LRRC4C: variants seen among roughly 807,000 people sequenced by gnomAD.
LRRC4C encodes the protein leucine rich repeat containing 4C.
A neutral mutation model predicts 33.6 loss-of-function variants in LRRC4C; 5 were observed. That is an observed-to-expected ratio of 0.15 (90% CI 0.08 to 0.31). LRRC4C has a LOEUF of 0.31. Among genes scored for constraint, LRRC4C ranks in the 10% least tolerant of loss-of-function variants. The pLI, the probability that LRRC4C is intolerant of heterozygous loss-of-function variation, is 1.00. For synonymous variants in LRRC4C, 329 were observed against 302.0 expected (o/e 1.09, Z -0.93); for missense variants, 560 against 796.7 (o/e 0.70, Z 3.58).
chr11:40,739,519 A>G (rs1041223453), intron 2 of LRRC4C, among the ~76,000 whole-genome samples: 14 of 152,140 alleles, frequency 9.2e-5, no homozygotes, highest in African/African-American at 3.1e-4. Context: ...ATACAATTAT[A>G]TATTTGTGTA....
At chr11:41,251,255 G>A (rs1278293866) in intron 1 of LRRC4C, among the ~76,000 whole-genome samples, 1 of 152,168 alleles carries the variant, frequency 6.6e-6, no homozygotes, top group Non-Finnish European at 1.5e-5. Flanking sequence ...ATGAGATGCA[G>A]CAAATAAGGA....
At chr11:40,679,615 G>T (rs1944576224) in intron 2 of LRRC4C, among the ~76,000 whole-genome samples, 1 of 152,160 alleles carries the variant, frequency 6.6e-6, no homozygotes, top group Non-Finnish European at 1.5e-5. Flanking sequence ...GGTACAGCTT[G>T]GGCTGTTGCT....
intron 5 of LRRC4C, among the ~76,000 whole-genome samples, chr11:40,225,811 G>A (rs1864752627): frequency 6.6e-6 from 1 of 151,956 alleles, no homozygotes. Flanking sequence ...TAGAGACAGG[G>A]TTTCACCATG....
chr11:41,283,659 G>C (rs992355236), intron 1 of LRRC4C, among the ~76,000 whole-genome samples: 3 of 152,166 alleles, frequency 2.0e-5, no homozygotes, highest in African/African-American at 7.2e-5. Flanking sequence ...CTGTGCTACA[G>C]TTACAGAGTG....
intron 1 of LRRC4C, among the ~76,000 whole-genome samples, chr11:41,360,788 G>A: frequency 6.6e-6 from 1 of 152,172 alleles, no homozygotes; most frequent in South Asian, 2.1e-4. Flanking sequence ...GGAGACCAGA[G>A]TAGAAATAAC....
chr11:40,784,456 TA>T, intron 2 of LRRC4C, among the ~76,000 whole-genome samples: 1 of 152,162 alleles, frequency 6.6e-6, no homozygotes, highest in Non-Finnish European at 1.5e-5. Context: ...AAATAGTCAA[TA>T]TGAGGTAGTG....
At chr11:40,217,466 G>A (rs1864059512) in intron 5 of LRRC4C, among the ~76,000 whole-genome samples, 1 of 152,012 alleles carries the variant, frequency 6.6e-6, no homozygotes, top group South Asian at 2.1e-4. Flanking sequence ...TCTGGATTGA[G>A]TCCTGATTCT....
chr11:40,891,468 C>T (rs1410684052), intron 2 of LRRC4C, among the ~76,000 whole-genome samples: 1 of 151,998 alleles, frequency 6.6e-6, no homozygotes, highest in Non-Finnish European at 1.5e-5. Flanking sequence ...AATAGACAAC[C>T]CACAGAATGG....
chr11:41,330,408 C>G (rs145511579), intron 1 of LRRC4C, among the ~76,000 whole-genome samples: 2 of 152,032 alleles, frequency 1.3e-5, no homozygotes, highest in African/African-American at 4.8e-5. Context: ...GAAAGTGTTA[C>G]AATTTTTCTT....
At chr11:40,127,558 A>G (rs1032992781) in intron 6 of LRRC4C, among the ~76,000 whole-genome samples, 16 of 152,194 alleles carry the variant, frequency 1.1e-4, no homozygotes, top group African/African-American at 3.9e-4. Context: ...GCTTTTAAGC[A>G]GGAGAGGGAA....
chr11:40,829,734 A>AT (rs1462196485), intron 2 of LRRC4C, among the ~76,000 whole-genome samples: 6 of 151,976 alleles, frequency 3.9e-5, no homozygotes, highest in Non-Finnish European at 5.9e-5. Flanking sequence ...TCTCCATAAT[A>AT]TTTTTTAAAA....
intron 3 of LRRC4C, among the ~76,000 whole-genome samples, chr11:40,382,121 T>TA (rs1948897808): frequency 1.7e-5 from 2 of 119,448 alleles, no homozygotes; most frequent in Non-Finnish European, 3.4e-5. Flanking sequence ...TATGCCCGGC[T>TA]AATTTTTTTT....
At position 41,390,357 on chromosome 11, in the gene LRRC4C, A is replaced by G. The variant is rs560163161; in HGVS notation, c.-496+69074T>C. On this transcript the variant is annotated intron_variant, in intron 1 of 6. Coordinates refer to ENST00000528697, the MANE Select transcript of LRRC4C (RefSeq NM_001258419.2). Reference sequence around the variant, plus strand: ...GTTTTGGTGACGTTTCCATTGTGCCAGTGTGCCAATGTGAGAAGAGAGGCA... The same window carrying G: ...GTTTTGGTGACGTTTCCATTGTGCCGGTGTGCCAATGTGAGAAGAGAGGCA... 2.6e-5 allele frequency among the ~76,000 whole-genome samples: 4 copies of G among 151,972 alleles called. No individual in the cohort carries two copies. The South Asian group carries it at 6.2e-4, about 24-fold the overall frequency.
intron 1 of LRRC4C, among the ~76,000 whole-genome samples, chr11:41,049,356 G>A (rs1253629799): frequency 6.6e-6 from 1 of 152,178 alleles, no homozygotes; most frequent in Non-Finnish European, 1.5e-5. Context: ...ATGGAACTGT[G>A]AGTGCATTAA....
chr11:40,271,587 A>G (rs1942701589), intron 4 of LRRC4C, among the ~76,000 whole-genome samples: 1 of 152,176 alleles, frequency 6.6e-6, no homozygotes, highest in Non-Finnish European at 1.5e-5. Context: ...AACAGCTTCG[A>G]TGAATGTAGG....
chr11:40,305,441 T>C (rs963199719), intron 4 of LRRC4C, among the ~76,000 whole-genome samples: 1 of 152,116 alleles, frequency 6.6e-6, no homozygotes, highest in African/African-American at 2.4e-5. Context: ...ATAGCTAAGA[T>C]GGTAAAAGTT....
intron 1 of LRRC4C, among the ~76,000 whole-genome samples, chr11:41,229,108 G>A (rs182223882): frequency 2.6e-5 from 4 of 152,076 alleles, no homozygotes; most frequent in Admixed American, 2.6e-4. Flanking sequence ...CTTCATGGGG[G>A]TCATTATGGA....
At chr11:41,242,666 GTC>G (rs1379278790) in intron 1 of LRRC4C, among the ~76,000 whole-genome samples, 1 of 152,116 alleles carries the variant, frequency 6.6e-6, no homozygotes, top group Non-Finnish European at 1.5e-5. Context: ...CTATCTGTCT[GTC>G]TGTCTCCCCT....
intron 2 of LRRC4C, among the ~76,000 whole-genome samples, chr11:40,852,772 C>T (rs1953574397): frequency 6.6e-6 from 1 of 152,162 alleles, no homozygotes; most frequent in Non-Finnish European, 1.5e-5. Context: ...CAGATATCAA[C>T]TTTAACCTGG....
Sources: allele counts gnomAD v4.1 joint callset (sites outside exome capture counted in the v4.1 genomes callset), GRCh38; gene constraint gnomAD v4.1.1; transcripts MANE v1.5; gene names NCBI Gene and HGNC (gene_info 2026-07-23, HGNC 2026-07-21).